The following LPP variants were observed in gnomAD, a reference collection of about 807,000 sequenced individuals.
LPP encodes the protein LIM domain containing preferred translocation partner in lipoma, also known as lipoma-preferred partner.
In LPP, 38 loss-of-function variants were observed where a neutral mutation model predicts 60.4. The ratio of observed to expected loss-of-function variants is 0.63; its 90% confidence interval spans 0.49 to 0.83. The LOEUF is 0.83. Ranked by LOEUF, LPP falls within the 40% of genes least tolerant of loss-of-function variation. LPP has a pLI of 0.00. For missense variants in LPP, 902 were observed against 783.6 expected (o/e 1.15, Z -1.80); for synonymous variants, 328 against 290.8 (o/e 1.13, Z -1.30).
At chr3:188,482,079 A>T (rs1804936458) in intron 4 of LPP, among the ~76,000 whole-genome samples, 1 of 152,010 alleles carries the variant, frequency 6.6e-6, no homozygotes, top group South Asian at 2.1e-4. Flanking sequence ...GATGGTTTAA[A>T]CTTATATGGC....
chr3:188,678,144 T>C (rs1858541545), intron 7 of LPP, among the ~76,000 whole-genome samples: 1 of 152,224 alleles, frequency 6.6e-6, no homozygotes, highest in African/African-American at 2.4e-5. Context: ...CATTGCTTTA[T>C]AGTTTCTGTT....
At chr3:188,234,588 A>T (rs4449306) in intron 2 of LPP, among the ~76,000 whole-genome samples, 1 of 151,946 alleles carries the variant, frequency 6.6e-6, no homozygotes, top group South Asian at 2.1e-4. Context: ...ATTAAGTTTT[A>T]GAAGCTGATT....
chr3:188,266,430 G>A (rs1735569569), intron 2 of LPP, among the ~76,000 whole-genome samples: 1 of 151,880 alleles, frequency 6.6e-6, no homozygotes, highest in Non-Finnish European at 1.5e-5. Context: ...TGGATACACA[G>A]CAAACTGCTC....
At chr3:188,525,111 C>T (rs764974738) in intron 6 of LPP, among the ~76,000 whole-genome samples, 9 of 151,858 alleles carry the variant, frequency 5.9e-5, no homozygotes, top group Admixed American at 1.3e-4. Context: ...GGATTACAGG[C>T]GCCTGCCACC....
At chr3:188,705,047 G>C (rs1419204058) in intron 7 of LPP, among the ~76,000 whole-genome samples, 1 of 152,126 alleles carries the variant, frequency 6.6e-6, no homozygotes, top group Non-Finnish European at 1.5e-5. Context: ...GGAAGCTCCA[G>C]GATAGCGGGT....
intron 8 of LPP, among the ~76,000 whole-genome samples, chr3:188,726,545 T>C (rs1478332347): frequency 6.6e-6 from 1 of 152,054 alleles, no homozygotes; most frequent in Non-Finnish European, 1.5e-5. Context: ...ATAAAATACA[T>C]AGCAGGTCAG....
At chr3:188,202,201 T>C (rs1190964023) in intron 1 of LPP, among the ~76,000 whole-genome samples, 1 of 152,014 alleles carries the variant, frequency 6.6e-6, no homozygotes, top group Admixed American at 6.6e-5. Flanking sequence ...ACATCAGTAA[T>C]GCTTTTTGAA....
chr3:188,763,173 G>T (rs1732968061), intron 9 of LPP, among the ~76,000 whole-genome samples: 1 of 151,994 alleles, frequency 6.6e-6, no homozygotes, highest in Non-Finnish European at 1.5e-5. Context: ...TGGTTACACT[G>T]TTGAAAACTG....
In LPP at chr3:188,592,563, T is replaced by TTTTTTTTTGG; in HGVS notation, c.430-16598_430-16597insTTTTTTTTGG. ...TGTTTTTAGTTTTGTTTTTGTTTTT[T>TTTTTTTTTGG]AAATGGAGTCTCACTCTTTCTCCCA... is the stretch of plus-strand genomic sequence containing the variant. On this transcript the variant is annotated intron_variant, in intron 6 of 11. Transcript: ENST00000617246. Among the ~76,000 whole-genome samples, 32 of 77,236 alleles carry TTTTTTTTTGG rather than the reference T, an allele frequency of 4.1e-4. 3 individuals carry two copies. The highest frequency in any genetic ancestry group is 2.1e-3 in the Admixed American group (16 of 7,766). The allele number at this position is 77,236 out of a possible 152,430, so 50.7% of individuals were successfully genotyped here. A position where few individuals can be genotyped will look rare whatever the true frequency, so the allele number is the denominator to read the frequency against.
intron 2 of LPP, among the ~76,000 whole-genome samples, chr3:188,306,584 T>G (rs1050251900): frequency 6.6e-6 from 1 of 152,206 alleles, no homozygotes; most frequent in Non-Finnish European, 1.5e-5. Context: ...GGAAATATTT[T>G]GTTTTCCTCT....
chr3:188,160,699 C>T (rs1020815826), intron 1 of LPP, among the ~76,000 whole-genome samples: 4 of 152,070 alleles, frequency 2.6e-5, no homozygotes, highest in African/African-American at 4.8e-5. Flanking sequence ...GTATTGAGTT[C>T]GGTACTTGTG....
intron 2 of LPP, among the ~76,000 whole-genome samples, chr3:188,254,824 C>T (rs897494427): frequency 1.3e-5 from 2 of 152,196 alleles, no homozygotes; most frequent in Non-Finnish European, 1.5e-5. Flanking sequence ...AGTGTAACAT[C>T]CTAACAGGAC....
chr3:188,837,382 CATA>C (rs57174980), intron 9 of LPP, among the ~76,000 whole-genome samples: 15,474 of 140,164 alleles, frequency 0.11, 881 homozygotes, highest in African/African-American at 0.16. Context: ...CCATCTCAAA[CATA>C]ATAATAATAA....
chr3:188,699,068 G>C (rs1863857253), intron 7 of LPP, among the ~76,000 whole-genome samples: 1 of 152,128 alleles, frequency 6.6e-6, no homozygotes, highest in African/African-American at 2.4e-5. Context: ...ACATCTATTT[G>C]ATATTTAATA....
At chr3:188,227,072 G>A (rs1718040602) in intron 2 of LPP, among the ~76,000 whole-genome samples, 2 of 152,118 alleles carry the variant, frequency 1.3e-5, no homozygotes, top group Admixed American at 6.5e-5. Flanking sequence ...TAAGTATGAA[G>A]CTTTGCACTT....
At chr3:188,815,448 G>A (rs1419593040) in intron 9 of LPP, among the ~76,000 whole-genome samples, 1 of 151,938 alleles carries the variant, frequency 6.6e-6, no homozygotes, top group East Asian at 1.9e-4. Flanking sequence ...TTCCTTTCTG[G>A]CTGATGTTAG....
chr3:188,840,728 G>A (rs564475682), intron 9 of LPP, among the ~76,000 whole-genome samples: 1 of 152,084 alleles, frequency 6.6e-6, no homozygotes, highest in South Asian at 2.1e-4. Context: ...TTGAACTCCT[G>A]GCCACAAGCA....
rs755669585 is a variant in LPP at position 188,866,313 on chromosome 3, C to A, written c.1524C>A (p.Ser508Arg). The change falls in exon 10 of 12, where the codon AGC (serine) becomes AGA (arginine). Residue 508 changes from serine to arginine, a missense_variant. By Grantham distance (110) the Ser-to-Arg change is moderately radical. Coordinates refer to ENST00000617246, the MANE Select transcript of LPP (RefSeq NM_001375462.1). ...HCFTCVMCHR[S>R]LDGIPFTVDA... Reference sequence around the variant, plus strand: ...TCACCTGCGTGATGTGCCACCGCAGCCTGGATGGGATCCCATTCACTGTGG... The same window carrying A: ...TCACCTGCGTGATGTGCCACCGCAGACTGGATGGGATCCCATTCACTGTGG... 11 of 1,588,124 alleles carry A rather than the reference C, an allele frequency of 6.9e-6. No individual in the cohort carries two copies. The highest frequency in any genetic ancestry group is 9.4e-6 in the Non-Finnish European group (11 of 1,166,194).
chr3:188,468,761 C>T (rs1324043453), intron 4 of LPP, among the ~76,000 whole-genome samples: 3 of 152,076 alleles, frequency 2.0e-5, no homozygotes, highest in African/African-American at 4.8e-5. Flanking sequence ...AAGCTGAGCT[C>T]GCTGAACTTG....
Sources: allele counts gnomAD v4.1 joint callset (sites outside exome capture counted in the v4.1 genomes callset), GRCh38; gene constraint gnomAD v4.1.1; transcripts MANE v1.5; gene names NCBI Gene and HGNC (gene_info 2026-07-23, HGNC 2026-07-21).